SLC45A4: variants seen among roughly 807,000 people sequenced by gnomAD.
The protein encoded by SLC45A4 is polyamine-transporter SLC45A4.
A neutral mutation model predicts 63.7 loss-of-function variants in SLC45A4; 32 were observed. The ratio of observed to expected loss-of-function variants is 0.50; its 90% CI spans 0.38 to 0.67. The LOEUF is 0.67. SLC45A4 is among the 30% of genes least tolerant of loss of function. The pLI is 0.00. For synonymous variants in SLC45A4, 535 were observed against 510.0 expected, an observed-to-expected ratio of 1.05 and a Z score of -0.66; for missense variants, 1,027 against 1,157.7, an observed-to-expected ratio of 0.89 and a Z score of 1.64.
At chr8:141,240,485 G>A (rs1827858225) in intron 2 of SLC45A4, among the ~76,000 whole-genome samples, 1 of 152,260 alleles carries the variant, frequency 6.6e-6, no homozygotes, top group South Asian at 2.1e-4. Flanking sequence ...CAACGGAGCT[G>A]AGCGTGACTC....
chr8:141,293,804 A>C (rs1304183682), intron 1 of SLC45A4, among the ~76,000 whole-genome samples: 1 of 151,574 alleles, frequency 6.6e-6, no homozygotes, highest in Non-Finnish European at 1.5e-5. Flanking sequence ...GTGGTGGTGC[A>C]CACCTGTACT....
Position 141,217,120 on chromosome 8 carries a change from T to A in SLC45A4, c.1699A>T (p.Ile567Phe). 1 of 1,614,002 alleles carries A rather than the reference T, an allele frequency of 6.2e-7. No individual in the cohort carries two copies. The highest frequency in any genetic ancestry group is 2.2e-5 in the East Asian group (1 of 44,882). ...GVKMGCWGLV[I>F]YAATGAICSA... is the part of the protein sequence containing the mutation. ...CAAATAGCACCAGTGGCGGCATAAA[T>A]GACCAGGCCCCAGCAGCCCATCTTG... The change falls in exon 6 of 9, where the codon ATT becomes TTT. Residue 567 changes from isoleucine (I) to phenylalanine (F), a missense_variant. By Grantham distance (21) the Ile-to-Phe change is conservative. Coordinates refer to ENST00000517878, the MANE Select transcript of SLC45A4 (RefSeq NM_001286646.2).
chr8:141,257,616 A>G (rs980715847), intron 1 of SLC45A4, among the ~76,000 whole-genome samples: 2 of 152,230 alleles, frequency 1.3e-5, no homozygotes, highest in African/African-American at 4.8e-5. Flanking sequence ...TTAGGCAATA[A>G]ATGTCTGTAA....
rs557088212 is a variant in SLC45A4, at chr8:141,213,276, G to A, written c.1942-720C>T. ...AGACAGAGACGGGGCACTAGGTGCAGGACCCACATTCTTTCCAAGCGTACA... is the reference window on the plus strand; with the variant it reads ...AGACAGAGACGGGGCACTAGGTGCAAGACCCACATTCTTTCCAAGCGTACA... On this transcript the variant is annotated intron_variant, in intron 7 of 8. Coordinates refer to ENST00000517878, the MANE Select transcript of SLC45A4 (RefSeq NM_001286646.2). Among the ~76,000 whole-genome samples the A allele has an allele frequency of 1.1e-3, 170 of 152,324 alleles. 1 individual carries two copies. Among genetic ancestry groups the A allele is most frequent in the African/African-American group, 3.4e-3 (143 of 41,578 alleles).
intron 2 of SLC45A4, among the ~76,000 whole-genome samples, chr8:141,242,262 T>C (rs1472778513): frequency 6.6e-6 from 1 of 152,232 alleles, no homozygotes; most frequent in Non-Finnish European, 1.5e-5. Flanking sequence ...CCCAGAGTCT[T>C]CTAAATAATC....
Position 141,212,229 on chromosome 8 carries a change from C to T in SLC45A4, c.2269G>A (p.Gly757Ser), listed in dbSNP as rs745441728. The T allele has an allele frequency of 1.9e-6, 3 of 1,553,346 alleles. No homozygotes were observed. The African/African-American group carries it at 4.1e-5, about 21-fold the overall frequency. The part of the protein sequence containing the change: ...PTVLKLTRKE[G>S]LQGPVETESV... ...TCTGTCTCCACCGGTCCCTGCAGGCCCTCCTTCCGCGTGAGCTTCAGCACG... is the reference window on the plus strand; with the variant it reads ...TCTGTCTCCACCGGTCCCTGCAGGCTCTCCTTCCGCGTGAGCTTCAGCACG... The change falls in exon 8 of 9, where the codon GGC becomes AGC. Residue 757 changes from glycine to serine, a missense_variant. Transcript: ENST00000517878.
intron 1 of SLC45A4, among the ~76,000 whole-genome samples, chr8:141,263,680 G>C (rs1201398492): frequency 6.7e-6 from 1 of 149,662 alleles, no homozygotes; most frequent in Non-Finnish European, 1.5e-5. Flanking sequence ...TGAAGCAGGA[G>C]AATTGCTTGA....
intron 1 of SLC45A4, among the ~76,000 whole-genome samples, chr8:141,293,502 T>C (rs1024159666): frequency 2.0e-5 from 3 of 152,020 alleles, no homozygotes; most frequent in Non-Finnish European, 2.9e-5. Flanking sequence ...CTGTACAAAG[T>C]GCAGGGTGGA....
chr8:141,211,705 G>A lies in SLC45A4; in HGVS notation c.2302-8C>T. ...GTCAATACCTGCAGGCGTCTACAGA[G>A]AGGAAATTTGATAAAAATATTTTAG... On this transcript the variant is annotated splice_polypyrimidine_tract_variant and splice_region_variant and intron_variant, in intron 8 of 8. Coordinates refer to ENST00000517878, the MANE Select transcript of SLC45A4 (RefSeq NM_001286646.2). 3.3e-6 allele frequency: 5 copies of A among 1,524,356 alleles called. No homozygotes were observed. The highest frequency in any genetic ancestry group is 4.4e-6 in the Non-Finnish European group (5 of 1,138,902). 94.4% of individuals were successfully genotyped at this position (1,524,356 alleles called of 1,614,324 possible).
chr8:141,216,084 G>A, intron 6 of SLC45A4, 114 bp from the exon 7 acceptor site: 1 of 921,834 alleles, frequency 1.1e-6, no homozygotes, highest in Non-Finnish European at 1.6e-6. Context: ...ACTCCTTCCA[G>A]CTGAACCCAG....
intron 2 of SLC45A4, chr8:141,230,183 A>C (rs192141359): frequency 2.2e-5 from 10 of 454,276 alleles, no homozygotes; most frequent in East Asian, 7.0e-5. Context: ...GAAGCTGAAG[A>C]AGCACAGGCC....
intron 1 of SLC45A4, among the ~76,000 whole-genome samples, chr8:141,301,453 A>G (rs1271624214): frequency 6.6e-6 from 1 of 152,154 alleles, no homozygotes; most frequent in Non-Finnish European, 1.5e-5. Context: ...TATGGAGAAC[A>G]GTCCATAGGT....
chr8:141,258,240 C>A lies in SLC45A4; in HGVS notation c.-400-3611G>T, dbSNP rs576311294. On this transcript the variant is annotated intron_variant, in intron 1 of 8. Transcript: ENST00000517878. ...AGAGTCTCTCTAACAGGAAAGAAGG[C>A]GACGGTGGAGCCCTGCTTGGCTCCC... is the stretch of plus-strand genomic sequence containing the variant. Among the ~76,000 whole-genome samples, 5 of 152,090 alleles carry A rather than the reference C, an allele frequency of 3.3e-5. No individual in the cohort carries two copies. The East Asian group carries it at 9.7e-4, about 29-fold the overall frequency.
In SLC45A4 at chr8:141,256,871, T is replaced by C; in HGVS notation, c.-400-2242A>G. On this transcript the variant is annotated intron_variant, in intron 1 of 8. Transcript: ENST00000517878. This position sits in a 1 kb window ranked among gnomAD's most constrained non-coding sequence, Gnocchi z 4.3. ...CTGTGTAATGAAACTTTTTTTTTTT[T>C]TTGAGACAGTCTCGCTCTGTTGCCC... The C allele has an allele frequency of 2.9e-6, 1 of 344,560 alleles. No homozygotes were observed. Among genetic ancestry groups the C allele is most frequent in the Non-Finnish European group, 5.8e-6 (1 of 172,952 alleles). 21.3% of individuals were successfully genotyped at this position (344,560 alleles called of 1,614,324 possible). A position where few individuals can be genotyped will look rare whatever the true frequency, so the allele number is the denominator to read the frequency against.
chr8:141,283,839 G>A (rs1830047667), intron 1 of SLC45A4, among the ~76,000 whole-genome samples: 1 of 152,162 alleles, frequency 6.6e-6, no homozygotes, highest in African/African-American at 2.4e-5. Context: ...TTTGAAAACA[G>A]AAAACTCCCA....
intron 2 of SLC45A4, among the ~76,000 whole-genome samples, chr8:141,245,524 G>A (rs901459246): frequency 2.6e-5 from 4 of 152,088 alleles, no homozygotes; most frequent in African/African-American, 4.8e-5. Flanking sequence ...GGGCTGACCC[G>A]GGGGGCAGCC....
chr8:141,240,365 T>C (rs1247610207), intron 2 of SLC45A4, among the ~76,000 whole-genome samples: 1 of 152,186 alleles, frequency 6.6e-6, no homozygotes, highest in Non-Finnish European at 1.5e-5. Context: ...CCCCTGAGTA[T>C]ACTTCCTGAA....
intron 7 of SLC45A4, among the ~76,000 whole-genome samples, chr8:141,214,510 T>C (rs1826021366): frequency 6.6e-6 from 1 of 152,162 alleles, no homozygotes; most frequent in South Asian, 2.1e-4. Context: ...GGATAGGAAG[T>C]TCCATACTAC....
intron 2 of SLC45A4, among the ~76,000 whole-genome samples, chr8:141,249,202 G>A (rs546308573): frequency 8.5e-5 from 13 of 152,144 alleles, no homozygotes; most frequent in African/African-American, 3.1e-4. Context: ...GAAAGCACTG[G>A]ACCCAGCAAG....
Sources: allele counts gnomAD v4.1 joint callset (sites outside exome capture counted in the v4.1 genomes callset), GRCh38; gene constraint gnomAD v4.1.1; non-coding constraint Gnocchi (gnomAD v3.1); transcripts MANE v1.5; gene names NCBI Gene and HGNC (gene_info 2026-07-23, HGNC 2026-07-21).